HDAC9: variants seen among roughly 807,000 people sequenced by gnomAD.
HDAC9 encodes the protein MEF-2 interacting transcription repressor (MITR) protein.
A neutral mutation model predicts 139.4 loss-of-function variants in HDAC9; 41 were observed. The observed-to-expected ratio is 0.29, with a 90% CI of 0.23 to 0.38. The LOEUF (loss-of-function observed/expected upper bound fraction) is 0.38. Among genes scored for constraint, HDAC9 ranks in the 10% least tolerant of loss-of-function variants. The probability of loss-of-function intolerance (pLI) is 1.00; values close to 1 mark genes in which losing one functional copy is unlikely to be tolerated. For synonymous variants in HDAC9, 517 were observed against 476.2 expected (o/e 1.09, Z -1.12); for missense variants, 1,147 against 1,297.0 (o/e 0.88, Z 1.78).
intron 1 of HDAC9, among the ~76,000 whole-genome samples, chr7:18,332,808 T>C (rs1433706793): frequency 6.6e-6 from 1 of 151,560 alleles, no homozygotes; most frequent in Non-Finnish European, 1.5e-5. Context: ...CTAATAGTTT[T>C]GTTAGGGGCT....
intron 22 of HDAC9, among the ~76,000 whole-genome samples, chr7:18,878,277 TG>T (rs1269656311): frequency 6.6e-6 from 1 of 152,230 alleles, no homozygotes; most frequent in Non-Finnish European, 1.5e-5. Context: ...ATGCGTTCAC[TG>T]CTTTTGTTGG....
rs1486621137 is a variant in HDAC9, at chr7:18,579,805, G to GTGTT, written c.23-5473_23-5472insTTGT. 2.0e-5 allele frequency among the ~76,000 whole-genome samples: 3 copies of GTGTT among 152,188 alleles called. No individual in the cohort carries two copies. The East Asian group carries it at 5.8e-4, about 29-fold the overall frequency. The stretch of plus-strand genomic sequence containing the variant: ...TTTTTCCATGCCTGTGTGTGTGTGT[G>GTGTT]TGTATGTGTGTGTGTGAAAACCTAT... On this transcript the variant is annotated intron_variant, in intron 2 of 25. Coordinates refer to ENST00000686413, the MANE Select transcript of HDAC9 (RefSeq NM_178425.4).
At chr7:18,694,325 C>T (rs922025036) in intron 12 of HDAC9, among the ~76,000 whole-genome samples, 1 of 152,174 alleles carries the variant, frequency 6.6e-6, no homozygotes, top group Non-Finnish European at 1.5e-5. Context: ...TTGATTTCTT[C>T]TCCTTCCTTT....
At position 18,440,816 on chromosome 7, in the gene HDAC9, G is replaced by C. The variant is rs912478919; in HGVS notation, c.-41-55446G>C. 8.2e-4 allele frequency among the ~76,000 whole-genome samples: 125 copies of C among 152,238 alleles called. 1 individual carries two copies. Among genetic ancestry groups the C allele is most frequent in the Admixed American group, 8.2e-3 (125 of 15,292 alleles). ...ACACAACAAGACATGTAAAACTCAG[G>C]AATTTCTCTTTCTTAGTGCAGCCTC... On this transcript the variant is annotated intron_variant, in intron 1 of 3. Transcript: ENST00000413509.
rs934072185 is a variant in HDAC9 at position 18,507,315 on chromosome 7, C to T, written c.22+10991C>T. 5.3e-5 allele frequency among the ~76,000 whole-genome samples: 8 copies of T among 150,562 alleles called. No homozygotes were observed. In the East Asian group the frequency reaches 5.9e-4, roughly 11 times the overall value. On this transcript the variant is annotated intron_variant, in intron 2 of 25. Transcript: ENST00000686413. ...ACACCAATCTCCCACCTCAGCCTCC[C>T]GAGTAGCTGGAACTACAGGCGCCCG...
chr7:18,627,658 T>A (rs1842061962), intron 6 of HDAC9, among the ~76,000 whole-genome samples: 1 of 152,130 alleles, frequency 6.6e-6, no homozygotes, highest in Non-Finnish European at 1.5e-5. Context: ...AGAATCCTAA[T>A]CCTTTCCCAA....
At chr7:18,418,597 A>G (rs1013431589) in intron 1 of HDAC9, among the ~76,000 whole-genome samples, 1 of 152,172 alleles carries the variant, frequency 6.6e-6, no homozygotes, top group Non-Finnish European at 1.5e-5. Flanking sequence ...CAGAACAATG[A>G]GAATTAGGAA....
chr7:18,370,431 C>G (rs1784508671), intron 1 of HDAC9, among the ~76,000 whole-genome samples: 1 of 152,036 alleles, frequency 6.6e-6, no homozygotes, highest in African/African-American at 2.4e-5. Flanking sequence ...GCTAGTGAAC[C>G]CAAACATTCT....
chr7:18,341,629 G>C (rs1782019006), intron 1 of HDAC9, among the ~76,000 whole-genome samples: 1 of 151,320 alleles, frequency 6.6e-6, no homozygotes, highest in Non-Finnish European at 1.5e-5. Flanking sequence ...TAGTTTTTTG[G>C]ACATAGGGGA....
chr7:18,232,194 G>A (rs1440466947), intron 2 of HDAC9, among the ~76,000 whole-genome samples: 2 of 152,012 alleles, frequency 1.3e-5, no homozygotes, highest in Non-Finnish European at 2.9e-5. Context: ...TGATTCCATC[G>A]GGCTTGGCTG....
At chr7:18,133,863 AT>A (rs1785194290) in intron 1 of HDAC9, among the ~76,000 whole-genome samples, 1 of 150,878 alleles carries the variant, frequency 6.6e-6, no homozygotes, top group Non-Finnish European at 1.5e-5. Context: ...TTACTTTCTT[AT>A]TTGCTTGCTT....
intron 1 of HDAC9, among the ~76,000 whole-genome samples, chr7:18,313,749 C>T (rs1169749633): frequency 6.6e-6 from 1 of 152,126 alleles, no homozygotes; most frequent in African/African-American, 2.4e-5. Context: ...GAATATAAAA[C>T]TGTTTCTTCT....
chr7:18,908,725 A>T (rs1281852412), intron 22 of HDAC9, among the ~76,000 whole-genome samples: 1 of 151,900 alleles, frequency 6.6e-6, no homozygotes, highest in Non-Finnish European at 1.5e-5. Flanking sequence ...ACAAAAAAAA[A>T]TTTCATTCTT....
chr7:18,305,208 C>A lies in HDAC9; in HGVS notation c.-42+14693C>A, dbSNP rs375095583. Among the ~76,000 whole-genome samples the A allele has an allele frequency of 7.7e-4, 117 of 152,260 alleles. No homozygotes were observed. The South Asian group carries it at 0.022, about 29-fold the overall frequency. On this transcript the variant is annotated intron_variant, in intron 1 of 3. Coordinates refer to the HDAC9 transcript ENST00000413509. ...GTTTGTGTTTGTTTTTACTGGCACACTGTGTATCTTTTTCCATCTTCACTC... is the reference window on the plus strand; with the variant it reads ...GTTTGTGTTTGTTTTTACTGGCACAATGTGTATCTTTTTCCATCTTCACTC...
At chr7:18,596,261 A>C (rs77694782) in intron 6 of HDAC9, among the ~76,000 whole-genome samples, 7,704 of 152,174 alleles carry the variant, frequency 0.051, 649 homozygotes, top group African/African-American at 0.18. Flanking sequence ...AGGTTTTAAA[A>C]TATTCCTTAA....
intron 1 of HDAC9, among the ~76,000 whole-genome samples, chr7:18,156,463 C>T (rs1787210934): frequency 6.6e-6 from 1 of 152,098 alleles, no homozygotes; most frequent in South Asian, 2.1e-4. Context: ...TGTTCTAGTC[C>T]TTCAGAAATC....
intron 2 of HDAC9, among the ~76,000 whole-genome samples, chr7:18,282,240 A>G (rs302168): frequency 0.82 from 124,037 of 152,140 alleles, 50,636 homozygotes; most frequent in South Asian, 0.89. Context: ...GCAAGGCCCT[A>G]TATATAATAA....
At chr7:18,431,036 T>TGTCCTGTCCTGTCCAGTCCA (rs1790603495) in intron 1 of HDAC9, among the ~76,000 whole-genome samples, 1 of 151,252 alleles carries the variant, frequency 6.6e-6, no homozygotes, top group Non-Finnish European at 1.5e-5. Context: ...TGTCCTGTCC[T>TGTCCTGTCCTGTCCAGTCCA]GTCCTGTCCT....
intron 21 of HDAC9, among the ~76,000 whole-genome samples, chr7:18,868,003 T>C (rs1199510093): frequency 6.6e-6 from 1 of 152,236 alleles, no homozygotes; most frequent in Non-Finnish European, 1.5e-5. Flanking sequence ...CAGCATGTCT[T>C]TGTTTCAAGG....
Sources: gnomAD v4.1 joint callset for allele counts (sites outside exome capture counted in the v4.1 genomes callset) on GRCh38, gnomAD v4.1.1 for gene constraint, MANE v1.5 for transcripts, NCBI Gene and HGNC (gene_info 2026-07-23, HGNC 2026-07-21) for gene names.